CYP39A1: variants seen among roughly 807,000 people sequenced by gnomAD.
CYP39A1 encodes the protein 24-hydroxycholesterol 7-alpha-hydroxylase.
Under a neutral mutation model 58.1 loss-of-function variants are expected in CYP39A1, and 49 were observed. The ratio of observed to expected loss-of-function variants is 0.84; its 90% CI spans 0.67 to 1.07. CYP39A1 has a LOEUF of 1.07. CYP39A1 is among the 50% of genes least tolerant of loss of function. The probability of loss-of-function intolerance (pLI) is 0.00; values close to 1 mark genes in which losing one functional copy is unlikely to be tolerated. For missense variants in CYP39A1, 531 were observed against 539.4 expected (o/e 0.98, Z 0.16); for synonymous variants, 209 against 187.6 (o/e 1.11, Z -0.93).
intron 6 of CYP39A1, among the ~76,000 whole-genome samples, chr6:46,626,338 CA>C (rs1245262648): frequency 6.6e-6 from 1 of 152,062 alleles, no homozygotes; most frequent in East Asian, 1.9e-4. Context: ...GTTTCACTTT[CA>C]TTTTTTTCTA....
intron 7 of CYP39A1, among the ~76,000 whole-genome samples, chr6:46,606,992 A>G (rs998399762): frequency 2.0e-5 from 3 of 152,188 alleles, no homozygotes; most frequent in African/African-American, 7.2e-5. Context: ...TTTATTCCTC[A>G]TAGATATCTG....
intron 5 of CYP39A1, among the ~76,000 whole-genome samples, 195 bp from the exon 6 acceptor site, chr6:46,631,265 T>C (rs1431501084): frequency 6.6e-6 from 1 of 151,650 alleles, no homozygotes; most frequent in African/African-American, 2.4e-5. Context: ...TTCTGGAGCT[T>C]GACCGCCTCA....
At chr6:46,553,230 C>T (rs1331784294) in intron 11 of CYP39A1, among the ~76,000 whole-genome samples, 1 of 152,146 alleles carries the variant, frequency 6.6e-6, no homozygotes, top group Non-Finnish European at 1.5e-5. Context: ...TCGAGAGCCA[C>T]TGATCTATGA....
At chr6:46,586,581 G>T in intron 10 of CYP39A1, 1 of 985,762 alleles carries the variant, frequency 1.0e-6, no homozygotes, top group Non-Finnish European at 1.2e-6. Flanking sequence ...AGGAGGGCTG[G>T]GTGCCAGATT....
At chr6:46,563,201 T>C (rs1223374349) in intron 10 of CYP39A1, among the ~76,000 whole-genome samples, 1 of 152,124 alleles carries the variant, frequency 6.6e-6, no homozygotes, top group East Asian at 1.9e-4. Flanking sequence ...AACTGACATA[T>C]ACATACCTAG....
chr6:46,635,821 C>G (rs944755268), intron 5 of CYP39A1, among the ~76,000 whole-genome samples: 4 of 152,132 alleles, frequency 2.6e-5, no homozygotes, highest in South Asian at 2.1e-4. Flanking sequence ...CGTCGGCCCC[C>G]CAAAGTGCTG....
intron 10 of CYP39A1, among the ~76,000 whole-genome samples, chr6:46,559,354 AAC>A (rs1481658184): frequency 2.0e-5 from 3 of 152,214 alleles, no homozygotes; most frequent in Non-Finnish European, 4.4e-5. Flanking sequence ...AAAAGAGACA[AAC>A]ACATTGCCAT....
chr6:46,617,887 A>G (rs1357703354), intron 7 of CYP39A1, among the ~76,000 whole-genome samples: 1 of 152,184 alleles, frequency 6.6e-6, no homozygotes, highest in Non-Finnish European at 1.5e-5. Flanking sequence ...TTGTAGGGCA[A>G]TATTAGACAT....
At chr6:46,587,773 C>T (rs1318487014) in intron 9 of CYP39A1, among the ~76,000 whole-genome samples, 1 of 152,158 alleles carries the variant, frequency 6.6e-6, no homozygotes, top group Non-Finnish European at 1.5e-5. Context: ...GGCTTATTCA[C>T]TTGAACATGC....
intron 7 of CYP39A1, among the ~76,000 whole-genome samples, chr6:46,602,123 C>G (rs1773545235): frequency 1.3e-5 from 2 of 151,908 alleles, no homozygotes; most frequent in African/African-American, 2.4e-5. Flanking sequence ...AGTAGGTACT[C>G]TATATATTTT....
chr6:46,566,883 T>G (rs866980513), intron 10 of CYP39A1, among the ~76,000 whole-genome samples: 3 of 152,088 alleles, frequency 2.0e-5, no homozygotes, highest in Middle Eastern at 3.4e-3. Flanking sequence ...CATATATACA[T>G]GTACCCATAT....
chr6:46,564,012 G>A (rs1393517130), intron 10 of CYP39A1, among the ~76,000 whole-genome samples: 1 of 152,056 alleles, frequency 6.6e-6, no homozygotes, highest in Non-Finnish European at 1.5e-5. Context: ...ATTGAAATAA[G>A]AGATAATACA....
chr6:46,588,057 G>A lies in CYP39A1; in HGVS notation c.1138C>T (p.Pro380Ser). Residue 380 changes from proline (P) to serine (S), a missense_variant, in exon 9 of 12, where the codon CCT (proline) becomes TCT (serine). Coordinates refer to ENST00000275016, the MANE Select transcript of CYP39A1 (RefSeq NM_016593.5). ...ACAGGTTTGAACAATTCAGGCTCAG[G>A]AAAATACTTTGGATTTCTATGCAGC... ...FWLHRNPKYF[P>S]EPELFKPERW... 6.3e-7 allele frequency: 1 copy of A among 1,584,316 alleles called. No homozygotes were observed. Among genetic ancestry groups the A allele is most frequent in the Non-Finnish European group, 8.6e-7 (1 of 1,163,256 alleles).
At chr6:46,569,005 C>T (rs564167072) in intron 10 of CYP39A1, among the ~76,000 whole-genome samples, 16 of 151,910 alleles carry the variant, frequency 1.1e-4, no homozygotes, top group South Asian at 2.1e-4. Context: ...ATTAGTCTTC[C>T]AATCCAGAAA....
In CYP39A1 at chr6:46,607,363, T is replaced by TA. The variant is rs78099617; in HGVS notation, c.932-11244dup. 4.3e-3 allele frequency among the ~76,000 whole-genome samples: 600 copies of TA among 140,752 alleles called. 9 individuals are homozygous for TA. The highest frequency in any genetic ancestry group is 0.032 in the Admixed American group (448 of 14,024). The allele number at this position is 140,752 out of a possible 152,430, so 92.3% of individuals were successfully genotyped here. On this transcript the variant is annotated intron_variant, in intron 7 of 11. Coordinates refer to ENST00000275016, the MANE Select transcript of CYP39A1 (RefSeq NM_016593.5). ...ATTAATCACAAAAATTTCTTGGGCTTAAAAAAAAAAAAAGAACATGAGTCA... is the reference window on the plus strand; with the variant it reads ...ATTAATCACAAAAATTTCTTGGGCTTAAAAAAAAAAAAAAGAACATGAGTCA...
chr6:46,615,850 T>C (rs571455101), intron 7 of CYP39A1, among the ~76,000 whole-genome samples: 181 of 152,208 alleles, frequency 1.2e-3, no homozygotes, highest in African/African-American at 4.1e-3. Context: ...CAATCAGCTC[T>C]TCCTCTAGAT....
intron 10 of CYP39A1, among the ~76,000 whole-genome samples, chr6:46,574,407 G>A (rs776137962): frequency 3.3e-5 from 5 of 152,166 alleles, no homozygotes; most frequent in African/African-American, 4.8e-5. Flanking sequence ...GCTGGGAGTG[G>A]AATCAGTGCT....
chr6:46,624,827 G>A (rs1480385627), intron 7 of CYP39A1, among the ~76,000 whole-genome samples: 2 of 152,118 alleles, frequency 1.3e-5, no homozygotes, highest in Non-Finnish European at 1.5e-5. Flanking sequence ...TTTTAAAAGA[G>A]ATGATAAATA....
chr6:46,578,389 C>T (rs1012061033), intron 10 of CYP39A1, among the ~76,000 whole-genome samples: 41 of 151,866 alleles, frequency 2.7e-4, no homozygotes, highest in African/African-American at 8.7e-4. Flanking sequence ...CAAACCAACC[C>T]CAAAGCTAAC....
Sources: allele counts gnomAD v4.1 joint callset (sites outside exome capture counted in the v4.1 genomes callset), GRCh38; gene constraint gnomAD v4.1.1; transcripts MANE v1.5; gene names NCBI Gene and HGNC (gene_info 2026-07-23, HGNC 2026-07-21).